Variants in RSRC1 observed in about 807,000 individuals in gnomAD.
RSRC1 encodes arginine and serine rich coiled-coil 1.
RSRC1 carries 39 observed loss-of-function variants against 49.1 expected under a neutral mutation model. The observed-to-expected ratio is 0.79, with a 90% CI of 0.61 to 1.04. The LOEUF (loss-of-function observed/expected upper bound fraction) is 1.04. Among genes scored for constraint, RSRC1 ranks in the 50% least tolerant of loss-of-function variants. The pLI, the probability that RSRC1 is intolerant of heterozygous loss-of-function variation, is 0.00. For synonymous variants in RSRC1, 143 were observed against 130.8 expected, an observed-to-expected ratio of 1.09 and a Z score of -0.63; for missense variants, 388 against 402.4, an observed-to-expected ratio of 0.96 and a Z score of 0.31.
chr3:158,225,729 A>G (rs1228092617), intron 4 of RSRC1: 1 of 451,762 alleles, frequency 2.2e-6, no homozygotes, highest in Non-Finnish European at 4.4e-6. Flanking sequence ...TAGGAAGACC[A>G]AATTGTGAGT....
At chr3:158,497,167 G>A (rs951938547) in intron 7 of RSRC1, among the ~76,000 whole-genome samples, 1 of 151,800 alleles carries the variant, frequency 6.6e-6, no homozygotes, top group Non-Finnish European at 1.5e-5. Flanking sequence ...TTTTCATCTT[G>A]CAAAACTGAA....
intron 6 of RSRC1, among the ~76,000 whole-genome samples, chr3:158,359,156 A>G (rs1731335443): frequency 6.6e-6 from 1 of 152,130 alleles, no homozygotes; most frequent in South Asian, 2.1e-4. Flanking sequence ...TAGCAGCTGA[A>G]CCATTTTACT....
At chr3:158,216,107 A>C (rs868557730) in intron 4 of RSRC1, among the ~76,000 whole-genome samples, 2 of 151,590 alleles carry the variant, frequency 1.3e-5, no homozygotes, top group South Asian at 4.1e-4. Flanking sequence ...ATAAGTAGAC[A>C]TATATTTTAT....
intron 5 of RSRC1, among the ~76,000 whole-genome samples, chr3:158,353,350 G>A (rs1194471286): frequency 6.6e-6 from 1 of 152,132 alleles, no homozygotes; most frequent in Non-Finnish European, 1.5e-5. Flanking sequence ...GCAGGGGTTG[G>A]CACACTTTAA....
intron 7 of RSRC1, among the ~76,000 whole-genome samples, chr3:158,529,214 G>GTATATATATATATATATATATA (rs10596761): frequency 2.1e-5 from 3 of 143,144 alleles, no homozygotes; most frequent in African/African-American, 7.9e-5. Context: ...ATGTGTGTGT[G>GTATATATATATATATATATATA]TATATATATA....
At chr3:158,424,573 T>C (rs1265660065) in intron 6 of RSRC1, among the ~76,000 whole-genome samples, 1 of 151,128 alleles carries the variant, frequency 6.6e-6, no homozygotes, top group Non-Finnish European at 1.5e-5. Context: ...GGCTTTGGTA[T>C]CAGGATGATG....
chr3:158,467,741 AG>A (rs1400726571), intron 7 of RSRC1, among the ~76,000 whole-genome samples: 1 of 152,230 alleles, frequency 6.6e-6, no homozygotes, highest in African/African-American at 2.4e-5. Context: ...TTTACATTAA[AG>A]CAAGATGTAT....
At chr3:158,455,718 G>A (rs115926373) in intron 6 of RSRC1, among the ~76,000 whole-genome samples, 19,646 of 151,980 alleles carry the variant, frequency 0.13, 1,561 homozygotes, top group South Asian at 0.22. Flanking sequence ...GGTGGCTTAC[G>A]CCTGTAATCC....
chr3:158,113,754 G>A (rs749033530), intron 1 of RSRC1, among the ~76,000 whole-genome samples: 5 of 152,122 alleles, frequency 3.3e-5, no homozygotes, highest in Admixed American at 6.5e-5. Context: ...AATGATCAGT[G>A]ATGTTGAGTT....
chr3:158,284,326 T>A (rs1311960544), intron 4 of RSRC1, among the ~76,000 whole-genome samples: 1 of 151,368 alleles, frequency 6.6e-6, no homozygotes. Flanking sequence ...AAGTCTTTGC[T>A]ATTGTGAATA....
At chr3:158,136,501 T>C (rs1716386660) in intron 3 of RSRC1, among the ~76,000 whole-genome samples, 1 of 151,398 alleles carries the variant, frequency 6.6e-6, no homozygotes, top group African/African-American at 2.5e-5. Flanking sequence ...AAAATGCTTT[T>C]TGTATGTGAG....
intron 6 of RSRC1, among the ~76,000 whole-genome samples, chr3:158,449,629 A>T (rs7610813): frequency 0.39 from 59,434 of 151,424 alleles, 12,495 homozygotes; most frequent in African/African-American, 0.55. Context: ...ATATATATAT[A>T]TTTTTATTAT....
intron 7 of RSRC1, among the ~76,000 whole-genome samples, chr3:158,524,669 C>T (rs1711898572): frequency 6.6e-6 from 1 of 151,922 alleles, no homozygotes; most frequent in South Asian, 2.1e-4. Flanking sequence ...CTATAATGTA[C>T]ATTTTCCATG....
At chr3:158,379,814 GCACACA>G (rs140953408) in intron 6 of RSRC1, among the ~76,000 whole-genome samples, 4 of 146,928 alleles carry the variant, frequency 2.7e-5, no homozygotes, top group African/African-American at 7.5e-5. Flanking sequence ...ACACGCGCAT[GCACACA>G]CACACACACA....
intron 5 of RSRC1, among the ~76,000 whole-genome samples, chr3:158,327,015 A>C (rs1578341512): frequency 6.6e-6 from 1 of 152,144 alleles, no homozygotes; most frequent in Non-Finnish European, 1.5e-5. Context: ...GTTTATTTGC[A>C]TAGAGGTGTT....
chr3:158,382,075 T>A (rs926690550), intron 6 of RSRC1, among the ~76,000 whole-genome samples: 5 of 152,126 alleles, frequency 3.3e-5, no homozygotes, highest in South Asian at 2.1e-4. Context: ...TTAAAAACTT[T>A]AAAAAAAATT....
intron 6 of RSRC1, among the ~76,000 whole-genome samples, chr3:158,368,484 C>G (rs553954239): frequency 6.6e-6 from 1 of 152,190 alleles, no homozygotes; most frequent in African/African-American, 2.4e-5. Context: ...TTATGCCCTG[C>G]GGGCTGACAG....
intron 5 of RSRC1, among the ~76,000 whole-genome samples, chr3:158,311,331 T>C (rs1437877683): frequency 6.6e-6 from 1 of 151,946 alleles, no homozygotes; most frequent in Non-Finnish European, 1.5e-5. Context: ...TTTTTTCATT[T>C]ATTGGATGAA....
At chr3:158,262,204 A>G (rs1191663247) in intron 4 of RSRC1, among the ~76,000 whole-genome samples, 1 of 152,044 alleles carries the variant, frequency 6.6e-6, no homozygotes, top group Non-Finnish European at 1.5e-5. Context: ...TTCTTTGCCT[A>G]ATTTAAGGTC....
Sources: allele counts gnomAD v4.1 joint callset (sites outside exome capture counted in the v4.1 genomes callset), GRCh38; gene constraint gnomAD v4.1.1; transcripts MANE v1.5; gene names NCBI Gene and HGNC (gene_info 2026-07-23, HGNC 2026-07-21).